PDE4D: variants seen among roughly 807,000 people sequenced by gnomAD.
PDE4D encodes phosphodiesterase 4D.
A neutral mutation model predicts 87.4 loss-of-function variants in PDE4D; 24 were observed. That is an observed-to-expected ratio of 0.27 (90% CI 0.20 to 0.39). The LOEUF (loss-of-function observed/expected upper bound fraction) is 0.39. PDE4D is among the 10% of genes least tolerant of loss of function. The pLI, the probability that PDE4D is intolerant of heterozygous loss-of-function variation, is 1.00. For missense variants in PDE4D, 714 were observed against 1,041.0 expected (o/e 0.69, Z 4.32); for synonymous variants, 384 against 383.2 (o/e 1.00, Z -0.02).
intron 1 of PDE4D, among the ~76,000 whole-genome samples, chr5:59,346,771 C>T (rs1208016126): frequency 6.6e-6 from 1 of 152,100 alleles, no homozygotes; most frequent in Non-Finnish European, 1.5e-5. Flanking sequence ...CTGAGGACCT[C>T]CTGAACAACT....
chr5:59,083,033 T>A (rs1312629197), intron 5 of PDE4D, among the ~76,000 whole-genome samples: 1 of 152,136 alleles, frequency 6.6e-6, no homozygotes, highest in African/African-American at 2.4e-5. Flanking sequence ...CGAGTAATAC[T>A]TCCTTTTAAT....
chr5:59,904,738 C>A (rs976165953), intron 3 of PDE4D, among the ~76,000 whole-genome samples: 2 of 152,098 alleles, frequency 1.3e-5, no homozygotes, highest in Non-Finnish European at 2.9e-5. Flanking sequence ...AGGATAGGTA[C>A]CTGGGGAACA....
intron 1 of PDE4D, chr5:59,430,288 A>C (rs1795916723): frequency 8.1e-7 from 1 of 1,231,214 alleles, no homozygotes; most frequent in Non-Finnish European, 1.0e-6. Context: ...AAAGGAAAGC[A>C]GTTACCGTCT....
intron 1 of PDE4D, among the ~76,000 whole-genome samples, chr5:59,221,901 G>A (rs945461851): frequency 6.6e-6 from 1 of 152,192 alleles, no homozygotes; most frequent in Non-Finnish European, 1.5e-5. Context: ...ATTCTTAAAA[G>A]AGATAACTTT....
intron 1 of PDE4D, among the ~76,000 whole-genome samples, chr5:59,620,375 C>A (rs1830208657): frequency 6.6e-6 from 1 of 152,018 alleles, no homozygotes; most frequent in African/African-American, 2.4e-5. Flanking sequence ...GAAGGGTTAG[C>A]AAGAAAGCAG....
intron 1 of PDE4D, among the ~76,000 whole-genome samples, chr5:60,319,901 G>T (rs1386507913): frequency 6.6e-6 from 1 of 152,194 alleles, no homozygotes; most frequent in Non-Finnish European, 1.5e-5. Context: ...CTACTGGGGG[G>T]TACCTCCCAG....
chr5:60,004,222 A>G (rs890185266), intron 2 of PDE4D, among the ~76,000 whole-genome samples: 1 of 152,110 alleles, frequency 6.6e-6, no homozygotes, highest in Non-Finnish European at 1.5e-5. Context: ...AAAATGAAAT[A>G]TTTTCTACAT....
chr5:59,690,131 G>A (rs1750652303), intron 1 of PDE4D, among the ~76,000 whole-genome samples: 1 of 152,132 alleles, frequency 6.6e-6, no homozygotes. Context: ...TCATGAAAAT[G>A]GCCACACTGC....
At chr5:59,348,634 T>TTTTTTGGAATG (rs1779996869) in intron 1 of PDE4D, among the ~76,000 whole-genome samples, 1 of 151,634 alleles carries the variant, frequency 6.6e-6, no homozygotes, top group African/African-American at 2.4e-5. Flanking sequence ...TTTTTTTTTT[T>TTTTTTGGAATG]TTTTGGAATG....
chr5:60,438,253 G>T (rs1054325637), intron 1 of PDE4D, among the ~76,000 whole-genome samples: 5 of 151,984 alleles, frequency 3.3e-5, no homozygotes, highest in African/African-American at 1.2e-4. Flanking sequence ...ACAAGGGAGG[G>T]AGAGTAAAAC....
At chr5:59,267,399 C>A (rs1763023309) in intron 1 of PDE4D, among the ~76,000 whole-genome samples, 1 of 152,020 alleles carries the variant, frequency 6.6e-6, no homozygotes, top group African/African-American at 2.4e-5. Flanking sequence ...AGCTCAATTT[C>A]TCATCTTTGA....
At position 59,299,719 on chromosome 5, in the gene PDE4D, T is replaced by C. The variant is rs138469863; in HGVS notation, c.456-83751A>G. ...CAAGTCCCTCCTATCTTTCTCCATA[T>C]ACTTGCTCTTCTGTCATTTGCCTTT... is the stretch of plus-strand genomic sequence containing the variant. On this transcript the variant is annotated intron_variant, in intron 1 of 14. Coordinates refer to ENST00000340635, the MANE Select transcript of PDE4D (RefSeq NM_001104631.2). 6.8e-4 allele frequency among the ~76,000 whole-genome samples: 104 copies of C among 152,338 alleles called. 1 individual carries two copies. The highest frequency in any genetic ancestry group is 2.4e-3 in the African/African-American group (101 of 41,594).
chr5:59,648,187 A>T (rs1742790619), intron 1 of PDE4D, among the ~76,000 whole-genome samples: 1 of 152,182 alleles, frequency 6.6e-6, no homozygotes, highest in Non-Finnish European at 1.5e-5. Flanking sequence ...TCCCACCCAC[A>T]CATCACGAGA....
intron 2 of PDE4D, among the ~76,000 whole-genome samples, chr5:60,163,916 A>G (rs1413983897): frequency 1.3e-5 from 2 of 152,340 alleles, no homozygotes; most frequent in East Asian, 1.9e-4. Flanking sequence ...TGTACACACC[A>G]CAAATGAGAT....
intron 1 of PDE4D, among the ~76,000 whole-genome samples, chr5:59,634,770 C>T (rs1380225705): frequency 6.6e-6 from 1 of 152,108 alleles, no homozygotes; most frequent in Non-Finnish European, 1.5e-5. Context: ...ACTAAATGCA[C>T]ACAAGAGAAA....
At chr5:59,877,600 C>G (rs1180352432) in intron 1 of PDE4D, among the ~76,000 whole-genome samples, 1 of 151,476 alleles carries the variant, frequency 6.6e-6, no homozygotes, top group Non-Finnish European at 1.5e-5. Context: ...CCCAGGAGTT[C>G]AAGAGCAGCC....
chr5:59,400,401 C>T (rs1790363371), intron 1 of PDE4D, among the ~76,000 whole-genome samples: 3 of 145,418 alleles, frequency 2.1e-5, no homozygotes. Flanking sequence ...TACTATGCGG[C>T]CATAAAAAAT....
chr5:59,910,864 G>A (rs1182132117), intron 3 of PDE4D, among the ~76,000 whole-genome samples: 1 of 152,166 alleles, frequency 6.6e-6, no homozygotes, highest in Non-Finnish European at 1.5e-5. Flanking sequence ...GTAGGGTTAG[G>A]ATCCACAAAA....
In PDE4D at chr5:59,421,987, C is replaced by T. The variant is rs112770002; in HGVS notation, c.456-206019G>A. ...TTGTTTCCATGGTCCTATGATTGAA[C>T]GTGGGAGGAAGCCCTTAGGCCAATA... is the stretch of plus-strand genomic sequence containing the variant. On this transcript the variant is annotated intron_variant, in intron 1 of 14. Transcript: ENST00000340635. Among the ~76,000 whole-genome samples, 502 of 152,082 alleles carry T rather than the reference C, an allele frequency of 3.3e-3. 2 individuals carry two copies. The highest frequency in any genetic ancestry group is 0.011 in the African/African-American group (462 of 41,500).
Sources: allele counts gnomAD v4.1 joint callset (sites outside exome capture counted in the v4.1 genomes callset), GRCh38; gene constraint gnomAD v4.1.1; transcripts MANE v1.5; gene names NCBI Gene and HGNC (gene_info 2026-07-23, HGNC 2026-07-21).